Variants in LRRC7 observed in about 807,000 individuals in gnomAD.
The protein encoded by LRRC7 is leucine-rich repeat-containing protein 7.
Under a neutral mutation model 175.7 loss-of-function variants are expected in LRRC7, and 23 were observed. The observed-to-expected ratio is 0.13, with a 90% confidence interval of 0.09 to 0.19. The LOEUF (loss-of-function observed/expected upper bound fraction) is 0.19. Ranked by LOEUF, LRRC7 falls within the 10% of genes least tolerant of loss-of-function variation. The pLI is 1.00. For missense variants in LRRC7, 1,354 were observed against 1,904.7 expected, an observed-to-expected ratio of 0.71 and a Z score of 5.38; for synonymous variants, 685 against 680.9, an observed-to-expected ratio of 1.01 and a Z score of -0.09.
intron 7 of LRRC7, among the ~76,000 whole-genome samples, chr1:69,908,370 G>T (rs1237222341): frequency 6.6e-6 from 1 of 151,652 alleles, no homozygotes. Context: ...GTCAATTTTG[G>T]ATCTTTCCTG....
In LRRC7 at chr1:70,130,072, G is replaced by A. The variant is rs1387410624; in HGVS notation, c.*8185G>A. 2 of 151,958 alleles carry A rather than the reference G, an allele frequency of 1.3e-5. No homozygotes were observed. The highest frequency in any genetic ancestry group is 4.8e-5 in the African/African-American group (2 of 41,362). The allele number at this position is 151,958 out of a possible 1,614,324, so 9.4% of individuals were successfully genotyped here. On this transcript the variant is annotated 3_prime_UTR_variant, in exon 27 of 27. Coordinates refer to ENST00000651989, the MANE Select transcript of LRRC7 (RefSeq NM_001370785.2). ...CCATGAAACCCTCCCTAGTCTTCAT[G>A]GAAAAAAATTTCTGTACTCAGCACT...
intron 7 of LRRC7, among the ~76,000 whole-genome samples, chr1:69,865,452 G>C (rs953906821): frequency 2.0e-5 from 2 of 100,484 alleles, no homozygotes; most frequent in African/African-American, 6.9e-5. Context: ...GAATAAGCAA[G>C]CTGCTGAAGA....
rs569719853 is a variant in LRRC7 at position 69,903,422 on chromosome 1, C to T, written c.648-28085C>T. Among the ~76,000 whole-genome samples the T allele has an allele frequency of 2.0e-4, 31 of 152,258 alleles. No homozygotes were observed. In the South Asian group the frequency reaches 3.3e-3, roughly 16 times the overall value. ...CAAGGGAAGCCATGAAGGACTGTGC[C>T]GTGAGGGACGGTGCACTCTGGCCCA... On this transcript the variant is annotated intron_variant, in intron 7 of 26. Coordinates refer to ENST00000651989, the MANE Select transcript of LRRC7 (RefSeq NM_001370785.2).
At chr1:70,053,284 GGTTGACTGTAA>G in intron 23 of LRRC7, 139 bp downstream of exon 23, 1 of 732,624 alleles carries the variant, frequency 1.4e-6, no homozygotes. Flanking sequence ...ACACGAGTTT[GGTTGACTGTAA>G]GTACATTGAA....
At chr1:69,840,831 T>A (rs1441251311) in intron 7 of LRRC7, among the ~76,000 whole-genome samples, 1 of 152,088 alleles carries the variant, frequency 6.6e-6, no homozygotes, top group Non-Finnish European at 1.5e-5. Context: ...AATAACTAGA[T>A]TGCCAAAAGG....
At chr1:70,108,347 C>T (rs1319611038) in intron 26 of LRRC7, among the ~76,000 whole-genome samples, 1 of 152,098 alleles carries the variant, frequency 6.6e-6, no homozygotes, top group Admixed American at 6.6e-5. Context: ...TGGAAGATGA[C>T]TTTCACTAAC....
chr1:70,112,969 A>C (rs1244794206), intron 26 of LRRC7, among the ~76,000 whole-genome samples: 2 of 152,106 alleles, frequency 1.3e-5, no homozygotes, highest in African/African-American at 4.8e-5. Flanking sequence ...AAACCCTGGG[A>C]TTTTAATAAG....
rs548035937 is a variant in LRRC7, at chr1:69,672,428, G to A, written c.3-5953G>A. 1.8e-3 allele frequency among the ~76,000 whole-genome samples: 272 copies of A among 152,244 alleles called. 1 individual carries two copies. Among genetic ancestry groups the A allele is most frequent in the African/African-American group, 6.2e-3 (259 of 41,538 alleles). On this transcript the variant is annotated intron_variant, in intron 1 of 26. Transcript: ENST00000651989. The stretch of plus-strand genomic sequence containing the variant: ...CCACTTCATAGTTAACTGATCTGAG[G>A]TCAGACAGATCTGGATTTAAATCTT...
intron 2 of LRRC7, 139 bp downstream of exon 2, chr1:69,678,617 AC>A: frequency 1.6e-6 from 1 of 609,686 alleles, no homozygotes; most frequent in Non-Finnish European, 2.9e-6. Flanking sequence ...AAAATAAGTT[AC>A]CATATGTTAC....
At chr1:69,730,772 G>A (rs1324835703) in intron 2 of LRRC7, among the ~76,000 whole-genome samples, 1 of 152,064 alleles carries the variant, frequency 6.6e-6, no homozygotes, top group Non-Finnish European at 1.5e-5. Flanking sequence ...TATCTTTAGA[G>A]CAGCTCCCCA....
At chr1:69,897,951 C>A (rs988100056) in intron 7 of LRRC7, among the ~76,000 whole-genome samples, 1 of 152,180 alleles carries the variant, frequency 6.6e-6, no homozygotes, top group African/African-American at 2.4e-5. Flanking sequence ...TCAATGGCTG[C>A]TCCGTGCAGA....
At position 69,873,703 on chromosome 1, in the gene LRRC7, G is replaced by A. The variant is rs746353693; in HGVS notation, c.647+35420G>A. 17 of 231,956 alleles carry A rather than the reference G, an allele frequency of 7.3e-5. No homozygotes were observed. In the East Asian group the frequency reaches 1.7e-3, roughly 24 times the overall value. 14.4% of individuals were successfully genotyped at this position (231,956 alleles called of 1,614,324 possible). ...TCTTACTGCCTAGTATCTACAAAAT[G>A]TTTGGTCTTTGTTAAAGTTTAACGA... On this transcript the variant is annotated intron_variant, in intron 7 of 26. Coordinates refer to ENST00000651989, the MANE Select transcript of LRRC7 (RefSeq NM_001370785.2).
intron 1 of LRRC7, among the ~76,000 whole-genome samples, chr1:69,664,879 T>G (rs1482536863): frequency 1.3e-5 from 2 of 152,184 alleles, no homozygotes. Context: ...ATTTTTGCCC[T>G]GATCAATGTC....
At chr1:69,901,900 C>G (rs547935364) in intron 7 of LRRC7, among the ~76,000 whole-genome samples, 1 of 152,096 alleles carries the variant, frequency 6.6e-6, no homozygotes, top group Non-Finnish European at 1.5e-5. Flanking sequence ...ATCTGTAGAT[C>G]AAGCCCTGAT....
At chr1:70,079,581 G>A (rs933913810) in intron 24 of LRRC7, among the ~76,000 whole-genome samples, 3 of 152,174 alleles carry the variant, frequency 2.0e-5, no homozygotes, top group African/African-American at 7.2e-5. Context: ...TCTGATTACA[G>A]TGAATACATA....
intron 7 of LRRC7, among the ~76,000 whole-genome samples, chr1:69,926,117 GAGTT>G (rs1647064613): frequency 6.6e-6 from 1 of 151,378 alleles, no homozygotes; most frequent in Non-Finnish European, 1.5e-5. Context: ...GGTTTTGAGT[GAGTT>G]TGTTAGTCCT....
chr1:69,976,918 A>G (rs1377188223), intron 8 of LRRC7, among the ~76,000 whole-genome samples: 1 of 152,168 alleles, frequency 6.6e-6, no homozygotes, highest in Non-Finnish European at 1.5e-5. Flanking sequence ...ATCTCCAGCT[A>G]AAACCTATTC....
intron 1 of LRRC7, chr1:69,606,851 A>G (rs867356414): frequency 6.6e-6 from 1 of 152,024 alleles, no homozygotes; most frequent in Non-Finnish European, 1.5e-5. Context: ...TTTTCTTTTT[A>G]TTATTGGGAA....
intron 9 of LRRC7, among the ~76,000 whole-genome samples, chr1:69,984,002 C>T (rs779061074): frequency 1.2e-4 from 18 of 151,976 alleles, no homozygotes; most frequent in Non-Finnish European, 1.8e-4. Flanking sequence ...CTCAGCTCAC[C>T]GCAACCTCTG....
Sources: allele counts gnomAD v4.1 joint callset (sites outside exome capture counted in the v4.1 genomes callset), GRCh38; gene constraint gnomAD v4.1.1; transcripts MANE v1.5; gene names NCBI Gene and HGNC (gene_info 2026-07-23, HGNC 2026-07-21).